Variants in OR8K5 observed in about 807,000 individuals in gnomAD.
The protein encoded by OR8K5 is olfactory receptor family 8 subfamily K member 5, also known as olfactory receptor 8K5.
For missense variants in OR8K5, 433 were observed against 363.9 expected (o/e 1.19, Z -1.54); for synonymous variants, 154 against 133.7 (o/e 1.15, Z -1.05).
Position 56,159,540 on chromosome 11 carries a change from T to C in OR8K5, c.778A>G (p.Met260Val). Residue 260 changes from methionine to valine, a missense_variant, in exon 1 of 1, where the codon ATG becomes GTG. Physicochemically the swap from Met to Val is conservative, Grantham distance 21. Coordinates refer to ENST00000313447, the MANE Select transcript of OR8K5 (RefSeq NM_001004058.2). ...AAGAAGTGAGTGGAATTGGGCTGCA[T>C]GTACATGAAGAGTAGAGACCCATAG... ...VFYGSLLFMY[M>V]QPNSTHFFDT... The C allele has an allele frequency of 6.2e-7, 1 of 1,614,022 alleles. No individual in the cohort carries two copies. Among genetic ancestry groups the C allele is most frequent in the South Asian group, 1.1e-5 (1 of 91,080 alleles).
Position 56,159,686 on chromosome 11 carries a change from AAGG to A in OR8K5, c.629_631del (p.Ser210del). 3 of 1,613,954 alleles carry A rather than the reference AAGG, an allele frequency of 1.9e-6. No homozygotes were observed. The highest frequency in any genetic ancestry group is 1.7e-6 in the Non-Finnish European group (2 of 1,179,824). On this transcript the variant is annotated inframe_deletion, in exon 1 of 1. Coordinates refer to ENST00000313447, the MANE Select transcript of OR8K5 (RefSeq NM_001004058.2). ...CATGTAGGACACTAAGACTATCAGA[AAGG>A]AGGAGATCAAATTAAATACAGAAAA...
At position 56,160,242 on chromosome 11, in the gene OR8K5, G is replaced by T. The variant is rs371957978; in HGVS notation, c.76C>A (p.Pro26Thr). Residue 26 changes from proline (P) to threonine (T), a missense_variant, in exon 1 of 1, where the codon CCC (proline) becomes ACC (threonine). Coordinates refer to ENST00000313447, the MANE Select transcript of OR8K5 (RefSeq NM_001004058.2). ...ATGACGAGGAAGACTCCAAAAAGGG[G>T]AATCTGCAGCTCAGGCCGCCTTGTG... ...ELTRRPELQI[P>T]LFGVFLVIYL... 1.4e-5 allele frequency: 23 copies of T among 1,613,962 alleles called. No homozygotes were observed. In the African/African-American group the frequency reaches 2.0e-4, roughly 14 times the overall value.
At position 56,159,993 on chromosome 11, in the gene OR8K5, T is replaced by A; in HGVS notation, c.325A>T (p.Ile109Phe). The part of the protein sequence containing the change: ...AQLAFFLMFI[I>F]SEFFILSAMA... Reference sequence around the variant, plus strand: ...GCTGACAGGATGAAAAATTCACTGATAATGAACATAAGGAAGAATGCCAGC... The same window carrying A: ...GCTGACAGGATGAAAAATTCACTGAAAATGAACATAAGGAAGAATGCCAGC... The change falls in exon 1 of 1, where the codon ATC (isoleucine) becomes TTC (phenylalanine). Residue 109 changes from isoleucine to phenylalanine, a missense_variant. Coordinates refer to ENST00000313447, the MANE Select transcript of OR8K5 (RefSeq NM_001004058.2). 6.2e-7 allele frequency: 1 copy of A among 1,613,998 alleles called. No homozygotes were observed. Among genetic ancestry groups the A allele is most frequent in the Non-Finnish European group, 8.5e-7 (1 of 1,179,918 alleles).
Position 56,160,062 on chromosome 11 carries a change from C to T in OR8K5, c.256G>A (p.Val86Ile), listed in dbSNP as rs1854540088. The T allele has an allele frequency of 6.2e-7, 1 of 1,613,982 alleles. No individual in the cohort carries two copies. The highest frequency in any genetic ancestry group is 8.5e-7 in the Non-Finnish European group (1 of 1,179,968). The change falls in exon 1 of 1, where the codon GTT becomes ATT. Residue 86 changes from valine to isoleucine, a missense_variant. Physicochemically the swap from Val to Ile is conservative, Grantham distance 29. Coordinates refer to ENST00000313447, the MANE Select transcript of OR8K5 (RefSeq NM_001004058.2). ...TAGGAAATAGTATTTCGATCCACAA[C>T]AAAATTTGCCAGCACCTTGGGACAA... The part of the protein sequence containing the change: ...VICPKVLANF[V>I]VDRNTISYYA...
rs977106909 is a variant in OR8K5, at chr11:56,160,297, T to C, written c.21A>G (p.Thr7=). 1 of 1,613,270 alleles carries C rather than the reference T, an allele frequency of 6.2e-7. No individual in the cohort carries two copies. Among genetic ancestry groups the C allele is most frequent in the Non-Finnish European group, 8.5e-7 (1 of 1,179,392 alleles). Residue 7 remains threonine, a synonymous_variant, in exon 1 of 1, where the codon ACA becomes ACG. Coordinates refer to ENST00000313447, the MANE Select transcript of OR8K5 (RefSeq NM_001004058.2). The part of the protein sequence containing the change: MGQHNL[T]VLTEFILMEL... ...CCATCAGAATGAATTCAGTTAGCAC[T>C]GTTAGATTGTGTTGGCCCATTTAGT...
chr11:56,159,533 G>C lies in OR8K5; in HGVS notation c.785C>G (p.Pro262Arg). The C allele has an allele frequency of 6.2e-7, 1 of 1,613,892 alleles. No individual in the cohort carries two copies. The highest frequency in any genetic ancestry group is 8.5e-7 in the Non-Finnish European group (1 of 1,179,906). ...YGSLLFMYMQPNSTHFFDTDK... is the reference protein window; with the variant it reads ...YGSLLFMYMQRNSTHFFDTDK... ...AGTATCAAAGAAGTGAGTGGAATTG[G>C]GCTGCATGTACATGAAGAGTAGAGA... Residue 262 changes from proline to arginine, a missense_variant, in exon 1 of 1, where the codon CCC (proline) becomes CGC (arginine). Pro to Arg is a moderately radical substitution (Grantham distance 103). Transcript: ENST00000313447.
rs1184833542 is a variant in OR8K5 at position 56,159,765 on chromosome 11, G to A, written c.553C>T (p.Leu185=). 1 of 1,613,904 alleles carries A rather than the reference G, an allele frequency of 6.2e-7. No homozygotes were observed. Among genetic ancestry groups the A allele is most frequent in the Non-Finnish European group, 8.5e-7 (1 of 1,179,804 alleles). ...TGTGCATTTGAGCAAAGCATAGGTAGCAAAGGAACATCATCACAGTAAAAA... is the reference window on the plus strand; with the variant it reads ...TGTGCATTTGAGCAAAGCATAGGTAACAAAGGAACATCATCACAGTAAAAA... ...SHFYCDDVPL[L]PMLCSNAQEI... is the part of the protein sequence containing the mutation. Residue 185 remains leucine, a synonymous_variant, in exon 1 of 1, where the codon CTA becomes TTA. Coordinates refer to ENST00000313447, the MANE Select transcript of OR8K5 (RefSeq NM_001004058.2).
rs777289757 is a variant in OR8K5, at chr11:56,159,995, A to G, written c.323T>C (p.Ile108Thr). 1.2e-6 allele frequency: 2 copies of G among 1,614,086 alleles called. No homozygotes were observed. The highest frequency in any genetic ancestry group is 2.2e-5 in the South Asian group (2 of 91,076). ...AAQLAFFLMF[I>T]ISEFFILSAM... ...TGACAGGATGAAAAATTCACTGATAATGAACATAAGGAAGAATGCCAGCTG... is the reference window on the plus strand; with the variant it reads ...TGACAGGATGAAAAATTCACTGATAGTGAACATAAGGAAGAATGCCAGCTG... The change falls in exon 1 of 1, where the codon ATT becomes ACT. Residue 108 changes from isoleucine to threonine, a missense_variant. Coordinates refer to ENST00000313447, the MANE Select transcript of OR8K5 (RefSeq NM_001004058.2).
rs1335288552 is a variant in OR8K5, at chr11:56,159,737, T to G, written c.581A>C (p.Glu194Ala). The change falls in exon 1 of 1, where the codon GAA (glutamate) becomes GCA (alanine). Residue 194 changes from glutamate (E) to alanine (A), a missense_variant. By Grantham distance (107) the Glu-to-Ala change is moderately radical. Transcript: ENST00000313447. ...AAATAGTATGCTCAACAATTCTATT[T>G]CCTGTGCATTTGAGCAAAGCATAGG... The part of the protein sequence containing the change: ...LLPMLCSNAQ[E>A]IELLSILFSV... The G allele has an allele frequency of 6.2e-7, 1 of 1,613,530 alleles. No individual in the cohort carries two copies. Among genetic ancestry groups the G allele is most frequent in the Non-Finnish European group, 8.5e-7 (1 of 1,179,562 alleles).
In OR8K5 at chr11:56,159,794, C is replaced by T; in HGVS notation, c.524G>A (p.Ser175Asn). 6.2e-7 allele frequency: 1 copy of T among 1,613,978 alleles called. No homozygotes were observed. Among genetic ancestry groups the T allele is most frequent in the East Asian group, 2.2e-5 (1 of 44,878 alleles). Residue 175 changes from serine (S) to asparagine (N), a missense_variant, in exon 1 of 1, where the codon AGT (serine) becomes AAT (asparagine). Coordinates refer to ENST00000313447, the MANE Select transcript of OR8K5 (RefSeq NM_001004058.2). ...TLTFCGSNVI[S>N]HFYCDDVPLL... The stretch of plus-strand genomic sequence containing the variant: ...AGGAACATCATCACAGTAAAAATGA[C>T]TGATGACATTAGAGCCACAGAAGGT...
Position 56,159,434 on chromosome 11 carries a change from T to C in OR8K5, c.884A>G (p.Glu295Gly), listed in dbSNP as rs761807276. The change falls in exon 1 of 1, where the codon GAA becomes GGA. Residue 295 changes from glutamate (E) to glycine (G), a missense_variant. Coordinates refer to ENST00000313447, the MANE Select transcript of OR8K5 (RefSeq NM_001004058.2). ...CTTATAGAAGGCATTTTTCACCTCT[T>C]CGTTTCTTAAGCTGTAAATCAAAGG... ...LNPLIYSLRN[E>G]EVKNAFYKLF... 5.0e-6 allele frequency: 8 copies of C among 1,610,634 alleles called. No homozygotes were observed. In the East Asian group the frequency reaches 1.8e-4, roughly 36 times the overall value.
At position 56,159,761 on chromosome 11, in the gene OR8K5, G is replaced by A; in HGVS notation, c.557C>T (p.Pro186Leu). Residue 186 changes from proline (P) to leucine (L), a missense_variant, in exon 1 of 1, where the codon CCT (proline) becomes CTT (leucine). Transcript: ENST00000313447. ...HFYCDDVPLLPMLCSNAQEIE... is the reference protein window; with the variant it reads ...HFYCDDVPLLLMLCSNAQEIE... ...TTCCTGTGCATTTGAGCAAAGCATA[G>A]GTAGCAAAGGAACATCATCACAGTA... is the stretch of plus-strand genomic sequence containing the variant. The A allele has an allele frequency of 1.2e-6, 2 of 1,613,838 alleles. No individual in the cohort carries two copies. Among genetic ancestry groups the A allele is most frequent in the Non-Finnish European group, 1.7e-6 (2 of 1,179,784 alleles).
In OR8K5 at chr11:56,159,527, G is replaced by T. The variant is rs369678334; in HGVS notation, c.791C>A (p.Ser264Tyr). ...SLLFMYMQPNSTHFFDTDKMA... is the reference protein window; with the variant it reads ...SLLFMYMQPNYTHFFDTDKMA... Reference sequence around the variant, plus strand: ...TTTATCAGTATCAAAGAAGTGAGTGGAATTGGGCTGCATGTACATGAAGAG... The same window carrying T: ...TTTATCAGTATCAAAGAAGTGAGTGTAATTGGGCTGCATGTACATGAAGAG... The change falls in exon 1 of 1, where the codon TCC becomes TAC. Residue 264 changes from serine (S) to tyrosine (Y), a missense_variant. Transcript: ENST00000313447. The T allele has an allele frequency of 6.2e-7, 1 of 1,613,752 alleles. No individual in the cohort carries two copies. Among genetic ancestry groups the T allele is most frequent in the South Asian group, 1.1e-5 (1 of 91,084 alleles).
rs1346151014 is a variant in OR8K5 at position 56,159,486 on chromosome 11, A to G, written c.832T>C (p.Tyr278His). The G allele has an allele frequency of 1.2e-6, 2 of 1,613,878 alleles. No homozygotes were observed. Among genetic ancestry groups the G allele is most frequent in the Admixed American group, 3.3e-5 (2 of 60,006 alleles). ...FDTDKMASVFYTLVIPMLNPL... is the reference protein window; with the variant it reads ...FDTDKMASVFHTLVIPMLNPL... ...TTAAGCATGGGGATTACTAAAGTGT[A>G]AAACACAGAAGCCATTTTATCAGTA... is the stretch of plus-strand genomic sequence containing the variant. The change falls in exon 1 of 1, where the codon TAC becomes CAC. Residue 278 changes from tyrosine (Y) to histidine (H), a missense_variant. By Grantham distance (83) the Tyr-to-His change is moderately conservative. Coordinates refer to ENST00000313447, the MANE Select transcript of OR8K5 (RefSeq NM_001004058.2).
At position 56,159,898 on chromosome 11, in the gene OR8K5, C is replaced by A; in HGVS notation, c.420G>T (p.Leu140=). Reference sequence around the variant, plus strand: ...ATTGAATGCCCACCAGTACATGACACAGTCGCTGAGACATAATAACATAAT... The same window carrying A: ...ATTGAATGCCCACCAGTACATGACAAAGTCGCTGAGACATAATAACATAAT... The part of the protein sequence containing the change: ...LLYYVIMSQR[L]CHVLVGIQYL... The change falls in exon 1 of 1, where the codon CTG becomes CTT. Residue 140 remains leucine (L), a synonymous_variant. Transcript: ENST00000313447. 5 of 1,614,094 alleles carry A rather than the reference C, an allele frequency of 3.1e-6. No individual in the cohort carries two copies. Among genetic ancestry groups the A allele is most frequent in the Non-Finnish European group, 4.2e-6 (5 of 1,179,966 alleles).
Position 56,160,089 on chromosome 11 carries a change from TG to T in OR8K5, c.228del (p.Ile77PhefsTer81). On this transcript the variant is annotated frameshift_variant, in exon 1 of 1. Transcript: ENST00000313447. LOFTEE classifies it low-confidence loss of function (END_TRUNC). ...LAFVDLGNSTVICPKVLANFV... is the reference protein window; with the variant it reads ...LAFVDLGNSTXICPKVLANFV... ...AAATTTGCCAGCACCTTGGGACAAA[TG>T]ACAGTAGAATTACCAAGATCAACAA... is the stretch of plus-strand genomic sequence containing the variant. The T allele has an allele frequency of 6.2e-7, 1 of 1,614,046 alleles. No homozygotes were observed. Among genetic ancestry groups the T allele is most frequent in the South Asian group, 1.1e-5 (1 of 91,082 alleles).
Position 56,159,690 on chromosome 11 carries a change from A to T in OR8K5, c.628T>A (p.Ser210Thr). 1 of 1,613,910 alleles carries T rather than the reference A, an allele frequency of 6.2e-7. No individual in the cohort carries two copies. The highest frequency in any genetic ancestry group is 8.5e-7 in the Non-Finnish European group (1 of 1,179,770). ...ILFSVFNLIS[S>T]FLIVLVSYML... The stretch of plus-strand genomic sequence containing the variant: ...TAGGACACTAAGACTATCAGAAAGG[A>T]GGAGATCAAATTAAATACAGAAAAT... Residue 210 changes from serine (S) to threonine (T), a missense_variant, in exon 1 of 1, where the codon TCC becomes ACC. Coordinates refer to ENST00000313447, the MANE Select transcript of OR8K5 (RefSeq NM_001004058.2).
Position 56,160,195 on chromosome 11 carries a change from G to A in OR8K5, c.123C>T (p.Gly41=), listed in dbSNP as rs1204313860. The A allele has an allele frequency of 1.2e-6, 2 of 1,613,790 alleles. No homozygotes were observed. The highest frequency in any genetic ancestry group is 8.5e-7 in the Non-Finnish European group (1 of 1,179,698). The change falls in exon 1 of 1, where the codon GGC becomes GGT. Residue 41 remains glycine (G), a synonymous_variant. Transcript: ENST00000313447. ...FLVIYLITVV[G]NLTMIILTKL... is the part of the protein sequence containing the mutation. Reference sequence around the variant, plus strand: ...TGGTCAAAATGATCATAGTTAGGTTGCCCACCACTGTGATTAGGTAGATGA... The same window carrying A: ...TGGTCAAAATGATCATAGTTAGGTTACCCACCACTGTGATTAGGTAGATGA...
chr11:56,159,680 A>G lies in OR8K5; in HGVS notation c.638T>C (p.Ile213Thr). The G allele has an allele frequency of 6.2e-7, 1 of 1,613,972 alleles. No individual in the cohort carries two copies. Among genetic ancestry groups the G allele is most frequent in the Non-Finnish European group, 8.5e-7 (1 of 1,179,824 alleles). Residue 213 changes from isoleucine to threonine, a missense_variant, in exon 1 of 1, where the codon ATA (isoleucine) becomes ACA (threonine). By Grantham distance (89) the Ile-to-Thr change is moderately conservative. Transcript: ENST00000313447. ...SVFNLISSFL[I>T]VLVSYMLILL... ...AATCAACATGTAGGACACTAAGACT[A>G]TCAGAAAGGAGGAGATCAAATTAAA... is the stretch of plus-strand genomic sequence containing the variant.
Sources: allele counts gnomAD v4.1 joint callset, GRCh38; gene constraint gnomAD v4.1.1; transcripts MANE v1.5; gene names NCBI Gene and HGNC (gene_info 2026-07-23, HGNC 2026-07-21).